SETBP1: variants seen among roughly 807,000 people sequenced by gnomAD.
The protein encoded by SETBP1 is SET-binding protein.
Under a neutral mutation model 101.0 loss-of-function variants are expected in SETBP1, and 9 were observed. The ratio of observed to expected loss-of-function variants is 0.09; its 90% CI spans 0.05 to 0.16. The LOEUF (loss-of-function observed/expected upper bound fraction) is 0.16, where lower values mean the gene tolerates loss of function less well. SETBP1 is among the 10% of genes least tolerant of loss of function. The probability of loss-of-function intolerance (pLI) is 1.00; values close to 1 mark genes in which losing one functional copy is unlikely to be tolerated. For synonymous variants in SETBP1, 818 were observed against 788.5 expected, an observed-to-expected ratio of 1.04 and a Z score of -0.63; for missense variants, 1,858 against 2,033.8, an observed-to-expected ratio of 0.91 and a Z score of 1.66.
intron 4 of SETBP1, among the ~76,000 whole-genome samples, chr18:44,958,271 A>G (rs2071535475): frequency 6.6e-6 from 1 of 152,308 alleles, no homozygotes; most frequent in East Asian, 1.9e-4. Flanking sequence ...AAGTTTGAAA[A>G]CAGGTACCAC....
At chr18:44,864,389 A>G (rs190168945) in intron 2 of SETBP1, among the ~76,000 whole-genome samples, 51 of 152,224 alleles carry the variant, frequency 3.4e-4, no homozygotes, top group African/African-American at 1.2e-3. Context: ...ACCCCACAGC[A>G]TCCTTCATCT....
intron 2 of SETBP1, among the ~76,000 whole-genome samples, chr18:44,713,712 G>A (rs529226827): frequency 1.3e-5 from 2 of 152,302 alleles, no homozygotes; most frequent in South Asian, 2.1e-4. Flanking sequence ...TCAAGGTCAA[G>A]GAAACCTGCC....
intron 3 of SETBP1, among the ~76,000 whole-genome samples, chr18:44,897,749 T>A (rs2069941088): frequency 6.6e-6 from 1 of 152,132 alleles, no homozygotes; most frequent in African/African-American, 2.4e-5. Context: ...AGGCCATCTT[T>A]TTAGATGGAG....
At chr18:44,816,023 A>G (rs1191955373) in intron 2 of SETBP1, among the ~76,000 whole-genome samples, 2 of 152,188 alleles carry the variant, frequency 1.3e-5, no homozygotes, top group African/African-American at 4.8e-5. Flanking sequence ...TTGATTCCCC[A>G]AATCAATAAA....
chr18:45,043,439 GA>G (rs34933092), intron 5 of SETBP1, among the ~76,000 whole-genome samples: 16,204 of 137,694 alleles, frequency 0.12, 876 homozygotes, highest in African/African-American at 0.14. Flanking sequence ...AGTCCAAGGA[GA>G]AAAAAAAAAA....
chr18:44,865,094 G>C (rs974679210), intron 2 of SETBP1, among the ~76,000 whole-genome samples: 14 of 152,170 alleles, frequency 9.2e-5, no homozygotes, highest in African/African-American at 2.4e-4. Context: ...GGTTGTCAGC[G>C]CTGGATTGGA....
chr18:45,008,033 A>C (rs1346453491), intron 4 of SETBP1, among the ~76,000 whole-genome samples: 1 of 152,220 alleles, frequency 6.6e-6, no homozygotes, highest in African/African-American at 2.4e-5. Flanking sequence ...TATCTCTGTG[A>C]GTCCCTGAAG....
intron 2 of SETBP1, among the ~76,000 whole-genome samples, chr18:44,787,860 C>CAAAAAAAAAAAAAAAAAAAAAA (rs11399627): frequency 6.5e-4 from 6 of 9,216 alleles, no homozygotes; most frequent in East Asian, 1.6e-3. Context: ...GAGTCCGTCT[C>CAAAAAAAAAAAAAAAAAAAAAA]AAAAAAAAAA....
intron 1 of SETBP1, among the ~76,000 whole-genome samples, chr18:44,698,451 A>G (rs1346723767): frequency 6.6e-6 from 1 of 152,112 alleles, no homozygotes; most frequent in African/African-American, 2.4e-5. Context: ...CTCACCTCTC[A>G]TAGATTCCCA....
intron 3 of SETBP1, 64 bp from the exon 4 acceptor site, chr18:44,949,817 T>C (rs2071292211): frequency 7.6e-7 from 1 of 1,310,980 alleles, no homozygotes; most frequent in South Asian, 1.2e-5. Flanking sequence ...TTAAGTAGCT[T>C]CAACATGCTC....
rs903611139 is a variant in SETBP1 at position 44,773,189 on chromosome 18, G to T, written c.486+71357G>T. 3.3e-5 allele frequency among the ~76,000 whole-genome samples: 5 copies of T among 152,284 alleles called. No homozygotes were observed. The East Asian group carries it at 9.6e-4, about 29-fold the overall frequency. On this transcript the variant is annotated intron_variant, in intron 2 of 5. Coordinates refer to ENST00000649279, the MANE Select transcript of SETBP1 (RefSeq NM_015559.3). ...AATAAATGTATAGACAGTCCATAGA[G>T]GAAGCATAGCATATACACTAAGGTG...
chr18:45,051,668 C>A (rs1314438712), intron 5 of SETBP1, among the ~76,000 whole-genome samples: 1 of 152,192 alleles, frequency 6.6e-6, no homozygotes, highest in Non-Finnish European at 1.5e-5. Context: ...TGTTCCTTTT[C>A]CAGGGGACCC....
At chr18:44,958,063 G>T (rs1468819189) in intron 4 of SETBP1, among the ~76,000 whole-genome samples, 1 of 152,092 alleles carries the variant, frequency 6.6e-6, no homozygotes, top group East Asian at 1.9e-4. Flanking sequence ...TCTGTTTTTT[G>T]ACTTTCAGTT....
chr18:44,956,761 G>A (rs565567988), intron 4 of SETBP1, among the ~76,000 whole-genome samples: 1 of 152,294 alleles, frequency 6.6e-6, no homozygotes, highest in Admixed American at 6.5e-5. Flanking sequence ...TATGGAGAGA[G>A]GAATTAGAGA....
intron 3 of SETBP1, among the ~76,000 whole-genome samples, chr18:44,890,790 G>GT (rs2069750476): frequency 6.6e-6 from 1 of 152,068 alleles, no homozygotes; most frequent in South Asian, 2.1e-4. Flanking sequence ...TGTCATTCAA[G>GT]TTTTTTAACT....
In SETBP1 at chr18:44,787,860, C is replaced by CAAA. The variant is rs11399627; in HGVS notation, c.487-81352_487-81350dup. ...TGGGCGACAGAGCGAGAGTCCGTCT[C>CAAA]AAAAAAAAAAAAAAAAAAAAGAAAA... On this transcript the variant is annotated intron_variant, in intron 2 of 5. Coordinates refer to ENST00000649279, the MANE Select transcript of SETBP1 (RefSeq NM_015559.3). Among the ~76,000 whole-genome samples, 27 of 9,208 alleles carry CAAA rather than the reference C, an allele frequency of 2.9e-3. 8 individuals carry two copies. Among genetic ancestry groups the CAAA allele is most frequent in the South Asian group, 0.017 (2 of 120 alleles). 6.0% of individuals were successfully genotyped at this position (9,208 alleles called of 152,430 possible).
intron 3 of SETBP1, among the ~76,000 whole-genome samples, chr18:44,916,474 G>T (rs1447327253): frequency 6.6e-6 from 1 of 152,014 alleles, no homozygotes; most frequent in Non-Finnish European, 1.5e-5. Context: ...TCATTCCACA[G>T]ATATTTATTA....
intron 5 of SETBP1, among the ~76,000 whole-genome samples, chr18:45,046,372 T>C (rs1413588608): frequency 1.3e-5 from 2 of 152,190 alleles, no homozygotes; most frequent in Non-Finnish European, 2.9e-5. Flanking sequence ...CAGCAAACCA[T>C]CCTAAGAAAG....
At position 44,885,855 on chromosome 18, in the gene SETBP1, AAC is replaced by A. The variant is rs1485403593; in HGVS notation, c.540+16574_540+16575del. Among the ~76,000 whole-genome samples, 71 of 41,258 alleles carry A rather than the reference AAC, an allele frequency of 1.7e-3. 11 individuals are homozygous for A. Among genetic ancestry groups the A allele is most frequent in the Middle Eastern group, 0.01 (1 of 100 alleles). The allele number at this position is 41,258 out of a possible 152,430, so 27.1% of individuals were successfully genotyped here. On this transcript the variant is annotated intron_variant, in intron 3 of 5. Coordinates refer to ENST00000649279, the MANE Select transcript of SETBP1 (RefSeq NM_015559.3). ...TGCCCATTTCATTAAAAAAAAAAAAAACAAAAAAAAAAACAAGGTGACTTACC... is the reference window on the plus strand; with the variant it reads ...TGCCCATTTCATTAAAAAAAAAAAAAAAAAAAAAAAACAAGGTGACTTACC...
Sources: allele counts gnomAD v4.1 joint callset (sites outside exome capture counted in the v4.1 genomes callset), GRCh38; gene constraint gnomAD v4.1.1; transcripts MANE v1.5; gene names NCBI Gene and HGNC (gene_info 2026-07-23, HGNC 2026-07-21).